Variants in GREM2 observed in about 807,000 individuals in gnomAD.
GREM2 encodes gremlin-2.
GREM2 carries 11 observed loss-of-function variants against 14.2 expected under a neutral mutation model. The ratio of observed to expected loss-of-function variants is 0.78; its 90% CI spans 0.49 to 1.28. The LOEUF (loss-of-function observed/expected upper bound fraction) is 1.28. GREM2 is among the 50% of genes most tolerant of loss of function. GREM2 has a pLI of 0.00. For missense variants in GREM2, 210 were observed against 218.5 expected, an observed-to-expected ratio of 0.96 and a Z score of 0.24; for synonymous variants, 98 against 97.6, an observed-to-expected ratio of 1.00 and a Z score of -0.02.
At chr1:240,503,144 AT>A (rs1474373961) in intron 1 of GREM2, among the ~76,000 whole-genome samples, 2 of 152,212 alleles carry the variant, frequency 1.3e-5, no homozygotes, top group East Asian at 3.9e-4. Flanking sequence ...TGATTATGTT[AT>A]TAAGCCACTG....
chr1:240,510,513 T>TG (rs1480608060), intron 1 of GREM2, among the ~76,000 whole-genome samples: 1 of 150,478 alleles, frequency 6.6e-6, no homozygotes, highest in African/African-American at 2.5e-5. Flanking sequence ...GGGTTTCTTG[T>TG]GGGGGCAATA....
At chr1:240,584,400 C>G (rs1679548477) in intron 1 of GREM2, among the ~76,000 whole-genome samples, 1 of 146,434 alleles carries the variant, frequency 6.8e-6, no homozygotes, top group South Asian at 2.1e-4. Context: ...GAGGCTGAGG[C>G]AGAAGAATTG....
chr1:240,562,966 GTGTA>G (rs142528298), intron 1 of GREM2, among the ~76,000 whole-genome samples: 10,671 of 136,700 alleles, frequency 0.078, 880 homozygotes, highest in African/African-American at 0.27. Context: ...GTGTGAGTGT[GTGTA>G]TGTGTGTATA....
At chr1:240,546,093 G>T (rs1161386512) in intron 1 of GREM2, among the ~76,000 whole-genome samples, 1 of 152,120 alleles carries the variant, frequency 6.6e-6, no homozygotes, top group Non-Finnish European at 1.5e-5. Flanking sequence ...CCAGCACTTT[G>T]GGAAGCTGAG....
chr1:240,493,077 C>T lies in GREM2; in HGVS notation c.399G>A (p.Val133=), dbSNP rs779023425. ...GGTCCAGGCCGGGGCACTCGAGCTC[C>T]ACGAGGACGGAGGTGACGCGCTGGG... ...CKPQRVTSVL[V]ELECPGLDPP... Residue 133 remains valine (V), a synonymous_variant, in exon 2 of 2, where the codon GTG becomes GTA. Transcript: ENST00000318160. 1 of 1,613,408 alleles carries T rather than the reference C, an allele frequency of 6.2e-7. No individual in the cohort carries two copies. Among genetic ancestry groups the T allele is most frequent in the Non-Finnish European group, 8.5e-7 (1 of 1,179,422 alleles).
intron 1 of GREM2, among the ~76,000 whole-genome samples, chr1:240,596,740 A>G (rs1679825937): frequency 6.6e-6 from 1 of 151,914 alleles, no homozygotes; most frequent in African/African-American, 2.4e-5. Context: ...TTCTAATGCC[A>G]TCTCAGGCTG....
At chr1:240,589,155 G>A (rs1283461282) in intron 1 of GREM2, 1 of 152,248 alleles carries the variant, frequency 6.6e-6, no homozygotes, top group Non-Finnish European at 1.5e-5. Context: ...ATTAAATTAG[G>A]CCGAGCATGG....
chr1:240,557,665 C>G (rs931278472), intron 1 of GREM2, among the ~76,000 whole-genome samples: 2 of 151,730 alleles, frequency 1.3e-5, no homozygotes, highest in African/African-American at 4.8e-5. Context: ...CTTCCATGTA[C>G]CCTTTTTGGG....
chr1:240,582,765 C>A (rs1572410011), intron 1 of GREM2, among the ~76,000 whole-genome samples: 1 of 151,554 alleles, frequency 6.6e-6, no homozygotes, highest in African/African-American at 2.4e-5. Flanking sequence ...CAATTGCACT[C>A]CAGCCTGGGC....
chr1:240,500,457 C>T (rs1441812585), intron 1 of GREM2, among the ~76,000 whole-genome samples: 2 of 152,034 alleles, frequency 1.3e-5, no homozygotes, highest in South Asian at 2.1e-4. Flanking sequence ...CACCACCACA[C>T]CTGGCTAATT....
At chr1:240,508,050 C>T (rs1025413986) in intron 1 of GREM2, among the ~76,000 whole-genome samples, 4 of 152,134 alleles carry the variant, frequency 2.6e-5, no homozygotes, top group African/African-American at 9.7e-5. Flanking sequence ...GGTGCCTGGG[C>T]TTGAAATTCC....
At chr1:240,603,361 A>G (rs1209703069) in intron 1 of GREM2, among the ~76,000 whole-genome samples, 3 of 152,204 alleles carry the variant, frequency 2.0e-5, no homozygotes, top group African/African-American at 4.8e-5. Context: ...AAATTCAAGT[A>G]AACGGAAGAG....
At chr1:240,607,793 TA>T (rs1680057990) in intron 1 of GREM2, among the ~76,000 whole-genome samples, 1 of 152,238 alleles carries the variant, frequency 6.6e-6, no homozygotes, top group South Asian at 2.1e-4. Context: ...ATTGAAATCA[TA>T]TATGTAAATT....
At chr1:240,558,469 G>T (rs146718728) in intron 1 of GREM2, among the ~76,000 whole-genome samples, 1 of 151,626 alleles carries the variant, frequency 6.6e-6, no homozygotes, top group African/African-American at 2.4e-5. Flanking sequence ...TTAAATTAAT[G>T]GAAAAATGAA....
At chr1:240,499,212 G>T (rs1677508946) in intron 1 of GREM2, among the ~76,000 whole-genome samples, 5 of 152,148 alleles carry the variant, frequency 3.3e-5, no homozygotes, top group Non-Finnish European at 5.9e-5. Flanking sequence ...TTCCTGACAG[G>T]CAAATGCAAG....
At chr1:240,559,682 G>A (rs1165107869) in intron 1 of GREM2, among the ~76,000 whole-genome samples, 1 of 152,046 alleles carries the variant, frequency 6.6e-6, no homozygotes, top group African/African-American at 2.4e-5. Context: ...CAAATTACTG[G>A]TGGCAAATAA....
chr1:240,498,677 C>G lies in GREM2; in HGVS notation c.-1-5201G>C, dbSNP rs77937332. ...TGAATTTAGCACTTTATAGAAAGTC[C>G]CACTCTGTCCTGAACCACTTTGCTA... is the stretch of plus-strand genomic sequence containing the variant. On this transcript the variant is annotated intron_variant, in intron 1 of 1. Transcript: ENST00000318160. Among the ~76,000 whole-genome samples the G allele has an allele frequency of 2.0e-5, 3 of 152,184 alleles. No individual in the cohort carries two copies. The East Asian group carries it at 5.8e-4, about 29-fold the overall frequency.
chr1:240,570,254 G>C (rs1009011411), intron 1 of GREM2, among the ~76,000 whole-genome samples: 5 of 152,074 alleles, frequency 3.3e-5, no homozygotes, highest in African/African-American at 4.8e-5. Flanking sequence ...ACGAGATCAA[G>C]AGACCAAGAC....
chr1:240,598,782 T>C (rs1028733402), intron 1 of GREM2, among the ~76,000 whole-genome samples: 1 of 152,218 alleles, frequency 6.6e-6, no homozygotes, highest in South Asian at 2.1e-4. Flanking sequence ...CCCTGCACTG[T>C]GCTGCTTTCT....
Sources: gnomAD v4.1 joint callset for allele counts (sites outside exome capture counted in the v4.1 genomes callset) on GRCh38, gnomAD v4.1.1 for gene constraint, MANE v1.5 for transcripts, NCBI Gene and HGNC (gene_info 2026-07-23, HGNC 2026-07-21) for gene names.